Variants in SYNPO2 observed in about 807,000 individuals in gnomAD.
SYNPO2 encodes the protein synaptopodin 2, also known as synaptopodin-2.
Under a neutral mutation model 85.0 loss-of-function variants are expected in SYNPO2, and 56 were observed. The observed-to-expected ratio is 0.66, with a 90% confidence interval of 0.53 to 0.82. The LOEUF (loss-of-function observed/expected upper bound fraction) is 0.82. Ranked by LOEUF, SYNPO2 falls within the 40% of genes least tolerant of loss-of-function variation. The pLI, the probability that SYNPO2 is intolerant of heterozygous loss-of-function variation, is 0.00. For missense variants in SYNPO2, 1,575 were observed against 1,534.2 expected, an observed-to-expected ratio of 1.03 and a Z score of -0.44; for synonymous variants, 602 against 591.1, an observed-to-expected ratio of 1.02 and a Z score of -0.27.
At chr4:118,867,475 T>TTTA (rs1413309159) in intron 1 of SYNPO2, among the ~76,000 whole-genome samples, 6 of 151,792 alleles carry the variant, frequency 4.0e-5, no homozygotes, top group Non-Finnish European at 5.9e-5. Flanking sequence ...TTCTTTTTTT[T>TTTA]TTTTTTCAGT....
chr4:119,007,284 AT>A, intron 1 of SYNPO2, among the ~76,000 whole-genome samples: 1 of 73,646 alleles, frequency 1.4e-5, no homozygotes, highest in Non-Finnish European at 2.6e-5. Flanking sequence ...ATGTATATAC[AT>A]ATATATATAT....
intron 1 of SYNPO2, among the ~76,000 whole-genome samples, chr4:118,938,426 CTTTG>C (rs1423933976): frequency 6.6e-6 from 1 of 151,708 alleles, no homozygotes; most frequent in Non-Finnish European, 1.5e-5. Context: ...TATTTTTGAT[CTTTG>C]TTTGGTTGAA....
intron 1 of SYNPO2, among the ~76,000 whole-genome samples, chr4:119,022,769 ATTT>A (rs1560989902): frequency 1.1e-5 from 1 of 90,134 alleles, no homozygotes; most frequent in Non-Finnish European, 2.5e-5. Flanking sequence ...TTTATATTTT[ATTT>A]TATTTTATTT....
chr4:118,890,731 C>G (rs201017195), intron 1 of SYNPO2, among the ~76,000 whole-genome samples: 21 of 126,060 alleles, frequency 1.7e-4, no homozygotes, highest in Non-Finnish European at 2.3e-4. Context: ...CTCTCTCTCT[C>G]TCTGTGTGTG....
At chr4:119,019,201 C>G (rs1395717743) in intron 1 of SYNPO2, among the ~76,000 whole-genome samples, 1 of 152,056 alleles carries the variant, frequency 6.6e-6, no homozygotes, top group African/African-American at 2.4e-5. Flanking sequence ...ACATGTACCC[C>G]TAAACCTAAA....
intron 1 of SYNPO2, among the ~76,000 whole-genome samples, chr4:118,941,947 GGGACATA>G (rs1734327306): frequency 6.6e-6 from 1 of 152,148 alleles, no homozygotes; most frequent in South Asian, 2.1e-4. Flanking sequence ...GGCAGGCTTT[GGGACATA>G]GGAGCTATCC....
chr4:118,888,844 C>G (rs369984581), upstream of SYNPO2: 12 of 620,220 alleles, frequency 1.9e-5, no homozygotes, highest in East Asian at 1.1e-4. Context: ...TGAGAATGAG[C>G]CCATTAGCCG....
intron 1 of SYNPO2, among the ~76,000 whole-genome samples, chr4:118,897,802 G>C (rs79984174): frequency 0.017 from 2,631 of 152,246 alleles, 32 homozygotes; most frequent in Non-Finnish European, 0.021. Context: ...TAAGCTCCTA[G>C]ACATGTCACT....
chr4:119,019,498 A>G (rs1737639056), intron 1 of SYNPO2, among the ~76,000 whole-genome samples: 2 of 152,326 alleles, frequency 1.3e-5, no homozygotes, highest in Admixed American at 6.5e-5. Context: ...TTTTGAACTT[A>G]TAACACATTG....
At chr4:118,886,303 T>C (rs939654291), upstream of SYNPO2, among the ~76,000 whole-genome samples, 2 of 152,188 alleles carry the variant, frequency 1.3e-5, no homozygotes, top group African/African-American at 2.4e-5. Context: ...GTTTGTTACA[T>C]AGGTATACAT....
intron 1 of SYNPO2, among the ~76,000 whole-genome samples, chr4:118,861,108 C>G (rs1731602080): frequency 6.6e-6 from 1 of 152,136 alleles, no homozygotes; most frequent in African/African-American, 2.4e-5. Flanking sequence ...TCTTTGCCCA[C>G]TCCAATGTCC....
chr4:119,031,946 A>C lies in SYNPO2; in HGVS notation c.3171A>C (p.Pro1057=), dbSNP rs61733552. 1.1e-3 allele frequency: 1,820 copies of C among 1,614,216 alleles called. 19 individuals carry two copies. The African/African-American group carries it at 0.022, about 20-fold the overall frequency. ...TGCCTGTGGGCATTCCCACCTCGCC[A>C]AAGCAAGAATCAGCCTCATCATCTT... The part of the protein sequence containing the change: ...SPVPVGIPTS[P]KQESASSSYF... Residue 1057 remains proline, a synonymous_variant, in exon 4 of 5, where the codon CCA becomes CCC. Transcript: ENST00000307142.
At position 119,046,552 on chromosome 4, in the gene SYNPO2, A is replaced by C. The variant is rs567583957; in HGVS notation, c.3253-10849A>C. ...TGCCTATGCAGTTGCCTCTTGAACA[A>C]AAGGTCCTGCCAGGTCTCTGACACC... On this transcript the variant is annotated intron_variant, in intron 4 of 4. Transcript: ENST00000307142. Among the ~76,000 whole-genome samples the C allele has an allele frequency of 1.2e-4, 19 of 152,202 alleles. 1 individual carries two copies. Among genetic ancestry groups the C allele is most frequent in the Non-Finnish European group, 2.4e-4 (16 of 68,030 alleles).
At chr4:118,887,166 A>AGAGAGT (rs57115153), upstream of SYNPO2, among the ~76,000 whole-genome samples, 1 of 139,058 alleles carries the variant, frequency 7.2e-6, no homozygotes, top group Non-Finnish European at 1.6e-5. Context: ...CATCTGAGTG[A>AGAGAGT]GTGTGTGTGT....
At chr4:118,878,962 A>G (rs1037987518) in intron 1 of SYNPO2, among the ~76,000 whole-genome samples, 1 of 152,188 alleles carries the variant, frequency 6.6e-6, no homozygotes, top group Non-Finnish European at 1.5e-5. Flanking sequence ...TAAGAGCTGT[A>G]ACACTCACTG....
intron 1 of SYNPO2, among the ~76,000 whole-genome samples, chr4:118,864,977 C>T (rs536022101): frequency 2.6e-4 from 40 of 152,104 alleles, no homozygotes; most frequent in Non-Finnish European, 4.1e-4. Context: ...ATATGAATAT[C>T]AAGGCATCGT....
At position 118,900,703 on chromosome 4, in the gene SYNPO2, C is replaced by CTCTCTATATATATA. The variant is rs1277981772; in HGVS notation, c.105+11563_105+11564insCTCTATATATATAT. On this transcript the variant is annotated intron_variant, in intron 1 of 4. Coordinates refer to ENST00000307142, the MANE Select transcript of SYNPO2 (RefSeq NM_133477.3). Reference sequence around the variant, plus strand: ...TCTCTCTCTCTCTCTCTCTCTCTCTCTATATATATATATATATATATATAT... The same window carrying CTCTCTATATATATA: ...TCTCTCTCTCTCTCTCTCTCTCTCTCTCTCTATATATATATATATATATATATATATATATATAT... 1.4e-3 allele frequency among the ~76,000 whole-genome samples: 61 copies of CTCTCTATATATATA among 43,858 alleles called. 1 individual carries two copies. Among genetic ancestry groups the CTCTCTATATATATA allele is most frequent in the Non-Finnish European group, 1.9e-3 (42 of 21,932 alleles). 28.8% of individuals were successfully genotyped at this position (43,858 alleles called of 152,430 possible). A position where few individuals can be genotyped will look rare whatever the true frequency, so the allele number is the denominator to read the frequency against.
chr4:118,946,054 T>C (rs1447552243), intron 1 of SYNPO2, among the ~76,000 whole-genome samples: 1 of 152,158 alleles, frequency 6.6e-6, no homozygotes, highest in Non-Finnish European at 1.5e-5. Context: ...AATAACACTT[T>C]CTTTAACACT....
At chr4:118,968,317 A>G (rs1425800914) in intron 1 of SYNPO2, among the ~76,000 whole-genome samples, 1 of 152,222 alleles carries the variant, frequency 6.6e-6, no homozygotes, top group Non-Finnish European at 1.5e-5. Context: ...AGGCAAATCA[A>G]CAAAGTCTGG....
Sources: gnomAD v4.1 joint callset for allele counts (sites outside exome capture counted in the v4.1 genomes callset) on GRCh38, gnomAD v4.1.1 for gene constraint, MANE v1.5 for transcripts, NCBI Gene and HGNC (gene_info 2026-07-23, HGNC 2026-07-21) for gene names.